The following EVC variants were observed in gnomAD, a reference collection of about 807,000 sequenced individuals.
EVC encodes EvC ciliary complex subunit 1.
EVC carries 116 observed loss-of-function variants against 118.9 expected under a neutral mutation model. The ratio of observed to expected loss-of-function variants is 0.98; its 90% CI spans 0.84 to 1.14. EVC has a LOEUF of 1.14. Ranked by LOEUF, EVC falls within the 50% of genes most tolerant of loss-of-function variation. The pLI is 0.00. For synonymous variants in EVC, 619 were observed against 534.7 expected (o/e 1.16, Z -2.18); for missense variants, 1,401 against 1,246.4 (o/e 1.12, Z -1.87).
chr4:5,793,583 C>T, intron 12 of EVC, 25 bp from the exon 13 acceptor site: 2 of 1,537,466 alleles, frequency 1.3e-6, no homozygotes, highest in Non-Finnish European at 8.8e-7. Context: ...CACATGCCTG[C>T]TCTGTCCCTC....
At chr4:5,760,483 A>C (rs1026387829) in intron 11 of EVC, among the ~76,000 whole-genome samples, 1 of 152,102 alleles carries the variant, frequency 6.6e-6, no homozygotes, top group Non-Finnish European at 1.5e-5. Context: ...AATGTACTGC[A>C]TAAGAAGGTG....
chr4:5,755,979 A>T lies in EVC; in HGVS notation c.1465-285A>T, dbSNP rs12499446. Among the ~76,000 whole-genome samples, 3 of 152,004 alleles carry T rather than the reference A, an allele frequency of 2.0e-5. No individual in the cohort carries two copies. Among genetic ancestry groups the T allele is most frequent in the Admixed American group, 6.5e-5 (1 of 15,270 alleles). The stretch of plus-strand genomic sequence containing the variant: ...CAGAAAGTGATGTCTGGGTGGCTGC[A>T]GCCAGGACAGAGGAGTGACAGAAGT... On this transcript the variant is annotated intron_variant, in intron 10 of 20. Transcript: ENST00000264956. The surrounding 1 kb of genome is among the most constrained non-coding windows in gnomAD (Gnocchi z 4.1).
At position 5,720,860 on chromosome 4, in the gene EVC, A is replaced by G. The variant is rs183913091; in HGVS notation, c.300+1487A>G. Among the ~76,000 whole-genome samples the G allele has an allele frequency of 5.1e-4, 76 of 148,204 alleles. No individual in the cohort carries two copies. The Middle Eastern group carries it at 0.018, about 34-fold the overall frequency. On this transcript the variant is annotated intron_variant, in intron 2 of 20. Coordinates refer to ENST00000264956, the MANE Select transcript of EVC (RefSeq NM_153717.3). The stretch of plus-strand genomic sequence containing the variant: ...TAGCTAAATAGTGAACAGGTAAGAC[A>G]TTACTAGGCAGGAAAATATGAGTTA...
chr4:5,753,403 C>G (rs186349831), intron 9 of EVC, among the ~76,000 whole-genome samples: 27 of 152,328 alleles, frequency 1.8e-4, no homozygotes, highest in Non-Finnish European at 3.5e-4. Context: ...ACAAAGTGGT[C>G]CCTGTCGCCC....
intron 11 of EVC, among the ~76,000 whole-genome samples, chr4:5,769,411 C>G (rs1468973924): frequency 6.6e-6 from 1 of 152,164 alleles, no homozygotes; most frequent in Non-Finnish European, 1.5e-5. Context: ...GGTGGGGACA[C>G]AGCTAAACCA....
the EVC span, chr4:5,824,169 A>G: frequency 5.9e-5 from 19 of 323,518 alleles, 1 homozygote; most frequent in African/African-American, 1.8e-4. Context: ...GTTTAATTGC[A>G]TAACTCCAGA....
At chr4:5,788,924 G>GTT in intron 12 of EVC, among the ~76,000 whole-genome samples, 1 of 150,680 alleles carries the variant, frequency 6.6e-6, no homozygotes, top group South Asian at 2.1e-4. Flanking sequence ...TGTCATTCGT[G>GTT]TTAGTGCATT....
intron 2 of EVC, among the ~76,000 whole-genome samples, chr4:5,727,576 A>T (rs987031210): frequency 4.3e-4 from 66 of 151,940 alleles, no homozygotes; most frequent in African/African-American, 1.6e-3. Context: ...CTTTAGTTTA[A>T]TGAGATCCCA....
chr4:5,741,832 G>C lies in EVC; in HGVS notation c.801+18G>C, dbSNP rs1456889324. On this transcript the variant is annotated intron_variant, in intron 6 of 20. Transcript: ENST00000264956. ...AAGAAAAAGTAAGTCTTCAACCTAT[G>C]TTTCAAGGTAACTTAAAAATAGTTT... The C allele has an allele frequency of 7.6e-7, 1 of 1,324,332 alleles. No homozygotes were observed. Among genetic ancestry groups the C allele is most frequent in the Non-Finnish European group, 1.1e-6 (1 of 922,774 alleles). 82.0% of individuals were successfully genotyped at this position (1,324,332 alleles called of 1,614,324 possible).
Position 5,751,451 on chromosome 4 carries a change from C to T in EVC, c.1099-1385C>T, listed in dbSNP as rs542949824. Among the ~76,000 whole-genome samples, 68 of 152,364 alleles carry T rather than the reference C, an allele frequency of 4.5e-4. No individual in the cohort carries two copies. The South Asian group carries it at 0.012, about 28-fold the overall frequency. On this transcript the variant is annotated intron_variant, in intron 8 of 20. Transcript: ENST00000264956. ...GAGGTGGCCAGAGCCGCCCTTCCCG[C>T]GGCCCACCTGGCACCTCCGCTTATC...
At chr4:5,775,667 C>T (rs1734616461) in intron 11 of EVC, among the ~76,000 whole-genome samples, 1 of 152,168 alleles carries the variant, frequency 6.6e-6, no homozygotes, top group Admixed American at 6.5e-5. Context: ...CACTGCCATA[C>T]ATTTACCCAT....
At chr4:5,787,361 A>C (rs1164839250) in intron 12 of EVC, among the ~76,000 whole-genome samples, 2 of 152,228 alleles carry the variant, frequency 1.3e-5, no homozygotes, top group Non-Finnish European at 2.9e-5. Context: ...AGATGGGGAT[A>C]TTCTCCCGAT....
chr4:5,715,778 C>A (rs111401342), intron 1 of EVC, among the ~76,000 whole-genome samples: 14,334 of 123,774 alleles, frequency 0.12, 943 homozygotes, highest in Middle Eastern at 0.27. Flanking sequence ...GAGTCTTGCT[C>A]TGTCACCCAG....
the EVC span, chr4:5,820,672 A>AGAGT: frequency 6.6e-6 from 1 of 152,204 alleles, no homozygotes; most frequent in Admixed American, 6.5e-5. Flanking sequence ...GTCTCTACCA[A>AGAGT]GAGTGAGTCC....
At chr4:5,752,650 C>A in intron 8 of EVC, 186 bp from the exon 9 acceptor site, 1 of 685,988 alleles carries the variant, frequency 1.5e-6, no homozygotes, top group South Asian at 1.7e-5. Context: ...GACACTTAAT[C>A]CCCACCTCGG....
intron 17 of EVC, among the ~76,000 whole-genome samples, chr4:5,806,057 G>C (rs770224763): frequency 6.6e-6 from 1 of 151,258 alleles, no homozygotes; most frequent in Non-Finnish European, 1.5e-5. Context: ...CCGCCCTTCT[G>C]TGTCTCTGTT....
intron 16 of EVC, among the ~76,000 whole-genome samples, chr4:5,804,320 G>A (rs971711728): frequency 6.6e-6 from 1 of 152,134 alleles, no homozygotes; most frequent in Non-Finnish European, 1.5e-5. Context: ...CAAGAAATGG[G>A]GCATAACTTC....
rs2152076238 is a variant in EVC at position 5,752,878 on chromosome 4, G to A, written c.1141G>A (p.Val381Met). The A allele has an allele frequency of 6.2e-7, 1 of 1,614,230 alleles. No homozygotes were observed. Among genetic ancestry groups the A allele is most frequent in the Non-Finnish European group, 8.5e-7 (1 of 1,180,034 alleles). ...GATGGGGCGGGCGCACATGGCAAAA[G>A]TGATTGAGTTTCTGAAGCTGCAAGT... Reference protein sequence around the residue: ...RTMGRAHMAKVIEFLKLQVQE... With the variant: ...RTMGRAHMAKMIEFLKLQVQE... The change falls in exon 9 of 21, where the codon GTG becomes ATG. Residue 381 changes from valine to methionine, a missense_variant. Physicochemically the swap from Val to Met is conservative, Grantham distance 21. Coordinates refer to ENST00000264956, the MANE Select transcript of EVC (RefSeq NM_153717.3).
chr4:5,734,090 C>T (rs13103693), intron 5 of EVC, among the ~76,000 whole-genome samples: 30,700 of 152,142 alleles, frequency 0.2, 3,615 homozygotes, highest in South Asian at 0.31. Flanking sequence ...GAATCAGCCA[C>T]GGACCTGAGC....
Sources: allele counts gnomAD v4.1 joint callset (sites outside exome capture counted in the v4.1 genomes callset), GRCh38; gene constraint gnomAD v4.1.1; non-coding constraint Gnocchi (gnomAD v3.1); transcripts MANE v1.5; gene names NCBI Gene and HGNC (gene_info 2026-07-23, HGNC 2026-07-21).